Variants in AZIN2 observed in about 807,000 individuals in gnomAD.
AZIN2 encodes the protein ODC antizyme inhibitor-2.
Under a neutral mutation model 47.8 loss-of-function variants are expected in AZIN2, and 28 were observed. That is an observed-to-expected ratio of 0.59 (90% CI 0.43 to 0.80). AZIN2 has a LOEUF of 0.80. Among genes scored for constraint, AZIN2 ranks in the 30% least tolerant of loss-of-function variants. The probability of loss-of-function intolerance (pLI) is 0.00; values close to 1 mark genes in which losing one functional copy is unlikely to be tolerated. For synonymous variants in AZIN2, 221 were observed against 239.4 expected, an observed-to-expected ratio of 0.92 and a Z score of 0.71; for missense variants, 535 against 582.5, an observed-to-expected ratio of 0.92 and a Z score of 0.84.
At chr1:33,149,350 C>T in the AZIN2 span, among the ~76,000 whole-genome samples, 6 of 152,028 alleles carry the variant, frequency 3.9e-5, no homozygotes, top group South Asian at 4.1e-4. Context: ...GACAGGGTTT[C>T]GTCATGTTGG....
the AZIN2 span, among the ~76,000 whole-genome samples, chr1:33,141,358 C>T: frequency 1.3e-3 from 200 of 152,312 alleles, 1 homozygote; most frequent in African/African-American, 4.6e-3. Flanking sequence ...GTCAATCTCC[C>T]TCCCCTATGT....
Position 33,120,548 on chromosome 1 carries a change from T to C in AZIN2, c.*366T>C, listed in dbSNP as rs1644772580. The C allele has an allele frequency of 5.2e-6, 1 of 191,362 alleles. No individual in the cohort carries two copies. Among genetic ancestry groups the C allele is most frequent in the Non-Finnish European group, 1.1e-5 (1 of 90,726 alleles). The allele number at this position is 191,362 out of a possible 1,614,324, so 11.9% of individuals were successfully genotyped here. On this transcript the variant is annotated 3_prime_UTR_variant, in exon 12 of 12. Transcript: ENST00000294517. Reference sequence around the variant, plus strand: ...AAAACTGCAGCGGAATCTGGCAGTTTGATTCACAAAGCAGCCTGGGCTAGG... The same window carrying C: ...AAAACTGCAGCGGAATCTGGCAGTTCGATTCACAAAGCAGCCTGGGCTAGG...
intron 10 of AZIN2, among the ~76,000 whole-genome samples, chr1:33,115,830 A>G (rs1232831996): frequency 2.6e-5 from 4 of 152,192 alleles, no homozygotes; most frequent in Non-Finnish European, 5.9e-5. Flanking sequence ...AGGGAATGCT[A>G]ACTTCTTATA....
chr1:33,120,506 A>G lies in AZIN2; in HGVS notation c.*324A>G, dbSNP rs867486350. 3 of 261,264 alleles carry G rather than the reference A, an allele frequency of 1.1e-5. No individual in the cohort carries two copies. The South Asian group carries it at 2.9e-4, about 25-fold the overall frequency. The allele number at this position is 261,264 out of a possible 1,614,324, so 16.2% of individuals were successfully genotyped here. On this transcript the variant is annotated 3_prime_UTR_variant, in exon 12 of 12. Transcript: ENST00000294517. ...CTTTGTAAATATAATGCAAATAAAT[A>G]AATATTTAGGTTTTTAAAAACTGCA...
chr1:33,098,238 G>C lies in AZIN2; in HGVS notation c.1029+59G>C, dbSNP rs1003928448. On this transcript the variant is annotated intron_variant, in intron 10 of 11. Coordinates refer to ENST00000294517, the MANE Select transcript of AZIN2 (RefSeq NM_052998.4). ...GTGTGTGTGTATTTCAATAACATTT[G>C]TTGTGTTTTTATCTAATTTTTAAAA... 9 of 1,279,842 alleles carry C rather than the reference G, an allele frequency of 7.0e-6. No individual in the cohort carries two copies. The South Asian group carries it at 8.5e-5, about 12-fold the overall frequency. 79.3% of individuals were successfully genotyped at this position (1,279,842 alleles called of 1,614,324 possible).
intron 10 of AZIN2, among the ~76,000 whole-genome samples, chr1:33,114,218 A>C (rs1336975484): frequency 1.3e-5 from 2 of 151,034 alleles, no homozygotes; most frequent in East Asian, 2.0e-4. Context: ...GTCCGGGTTC[A>C]AATGATTCGC....
At chr1:33,129,838 G>A in the AZIN2 span, among the ~76,000 whole-genome samples, 1 of 152,166 alleles carries the variant, frequency 6.6e-6, no homozygotes, top group African/African-American at 2.4e-5. The surrounding 1 kb of genome is among the most constrained non-coding windows in gnomAD (Gnocchi z 4.1). Context: ...GCGGGGGAGA[G>A]AGGAGGTCAG....
In AZIN2 at chr1:33,121,616, G is replaced by T. The variant is rs933619649; in HGVS notation, c.*1434G>T. Among the ~76,000 whole-genome samples the T allele has an allele frequency of 3.3e-5, 5 of 152,158 alleles. No homozygotes were observed. The highest frequency in any genetic ancestry group is 1.2e-4 in the African/African-American group (5 of 41,424). ...AATAAATAAAGTGGAGAAGTTAGTG[G>T]TTTCTGGTGTATTCAGAGTTGTGTA... On this transcript the variant is annotated 3_prime_UTR_variant, in exon 12 of 12. Transcript: ENST00000294517.
At chr1:33,126,920 C>T (rs926302698), downstream of AZIN2, among the ~76,000 whole-genome samples, 13 of 152,156 alleles carry the variant, frequency 8.5e-5, no homozygotes, top group Non-Finnish European at 1.8e-4. Context: ...ACTGGGCATC[C>T]TGCATTTTAT....
At chr1:33,118,348 T>G (rs1644660904) in intron 11 of AZIN2, 1 of 437,716 alleles carries the variant, frequency 2.3e-6, no homozygotes, top group Non-Finnish European at 4.0e-6. Flanking sequence ...CAGGCCCTTG[T>G]GATAATACTG....
At chr1:33,088,547 A>ATATATAT (rs1307430887) in intron 5 of AZIN2, among the ~76,000 whole-genome samples, 1 of 151,952 alleles carries the variant, frequency 6.6e-6, no homozygotes, top group Non-Finnish European at 1.5e-5. Flanking sequence ...AACCCTTTAG[A>ATATATAT]CTCTTTCCCA....
rs954742346 is a variant in AZIN2 at position 33,123,487 on chromosome 1, C to A, written c.*3305C>A. The stretch of plus-strand genomic sequence containing the variant: ...TCTGTCTGAATAAACATGCTCTTAA[C>A]CTGTCTGAATCTGTTTACTCATTTG... On this transcript the variant is annotated 3_prime_UTR_variant, in exon 12 of 12. Coordinates refer to ENST00000294517, the MANE Select transcript of AZIN2 (RefSeq NM_052998.4). Among the ~76,000 whole-genome samples the A allele has an allele frequency of 3.3e-5, 5 of 152,292 alleles. No individual in the cohort carries two copies. The highest frequency in any genetic ancestry group is 7.4e-5 in the Non-Finnish European group (5 of 68,020).
chr1:33,160,348 G>A, the AZIN2 span, among the ~76,000 whole-genome samples: 2 of 152,038 alleles, frequency 1.3e-5, no homozygotes. Context: ...AGGGCTAGGG[G>A]ACAGGGTGAA....
At chr1:33,104,363 T>C (rs1167468897) in intron 10 of AZIN2, among the ~76,000 whole-genome samples, 2 of 152,226 alleles carry the variant, frequency 1.3e-5, no homozygotes, top group African/African-American at 4.8e-5. Context: ...GTATTTAATA[T>C]GATGTTTGAT....
the AZIN2 span, chr1:33,165,656 C>T: frequency 3.4e-6 from 4 of 1,166,068 alleles, no homozygotes; most frequent in East Asian, 8.6e-5. The surrounding 1 kb of genome is among the most constrained non-coding windows in gnomAD (Gnocchi z 4.0). Context: ...GGGGGTTAGC[C>T]TGGTCTCTGT....
the AZIN2 span, chr1:33,158,467 TG>T: frequency 2.3e-6 from 2 of 870,442 alleles, no homozygotes; most frequent in Admixed American, 3.8e-5. Context: ...GCATAGGATG[TG>T]GTCATGAGTG....
At position 33,090,081 on chromosome 1, in the gene AZIN2, C is replaced by T. The variant is rs548175473; in HGVS notation, c.280-1969C>T. 3.2e-4 allele frequency among the ~76,000 whole-genome samples: 49 copies of T among 152,212 alleles called. 1 individual carries two copies. The highest frequency in any genetic ancestry group is 4.2e-4 in the South Asian group (2 of 4,818). ...ATCCAAAGTAGGGGTTGGCAAACTA[C>T]GGATGGAAGGCCAAATCCAGTCCAC... On this transcript the variant is annotated intron_variant, in intron 5 of 11. Coordinates refer to ENST00000294517, the MANE Select transcript of AZIN2 (RefSeq NM_052998.4).
chr1:33,111,194 ATCTCTCTGAGTCTTAC>A (rs1359940413), intron 10 of AZIN2, among the ~76,000 whole-genome samples: 1 of 152,234 alleles, frequency 6.6e-6, no homozygotes, highest in Non-Finnish European at 1.5e-5. Flanking sequence ...AAGTTACTTA[ATCTCTCTGAGTCTTAC>A]TTCTCTAGCT....
At chr1:33,166,634 T>A in the AZIN2 span, among the ~76,000 whole-genome samples, 2 of 152,050 alleles carry the variant, frequency 1.3e-5, no homozygotes, top group Non-Finnish European at 2.9e-5. Flanking sequence ...GATAAACATA[T>A]AATGGTAAAG....
Sources: gnomAD v4.1 joint callset for allele counts (sites outside exome capture counted in the v4.1 genomes callset) on GRCh38, gnomAD v4.1.1 for gene constraint, Gnocchi (gnomAD v3.1) non-coding constraint, MANE v1.5 for transcripts, NCBI Gene and HGNC (gene_info 2026-07-23, HGNC 2026-07-21) for gene names.